Variants in ZNF385D observed in about 807,000 individuals in gnomAD.
ZNF385D encodes the protein zinc finger protein 385D.
Under a neutral mutation model 35.8 loss-of-function variants are expected in ZNF385D, and 15 were observed. That is an observed-to-expected ratio of 0.42 (90% CI 0.28 to 0.64). The LOEUF (loss-of-function observed/expected upper bound fraction) is 0.64. ZNF385D is among the 30% of genes least tolerant of loss of function. ZNF385D has a pLI of 0.23. For missense variants in ZNF385D, 474 were observed against 494.6 expected (o/e 0.96, Z 0.39); for synonymous variants, 212 against 186.8 (o/e 1.13, Z -1.10).
chr3:21,422,683 A>G (rs1700799126), intron 7 of ZNF385D, among the ~76,000 whole-genome samples: 1 of 152,258 alleles, frequency 6.6e-6, no homozygotes, highest in South Asian at 2.1e-4. Flanking sequence ...GGTTGGTTCA[A>G]CATATGCAAA....
chr3:22,366,543 C>T (rs1443387767), intron 2 of ZNF385D, among the ~76,000 whole-genome samples: 4 of 152,028 alleles, frequency 2.6e-5, no homozygotes, highest in African/African-American at 9.7e-5. Flanking sequence ...CTGGTCCTTC[C>T]TGCATTTTTT....
At chr3:21,443,868 A>T (rs953272323) in intron 4 of ZNF385D, among the ~76,000 whole-genome samples, 10 of 152,192 alleles carry the variant, frequency 6.6e-5, no homozygotes, top group African/African-American at 2.2e-4. Context: ...AAAATATTGA[A>T]CTGAAACTTT....
At chr3:21,865,565 C>A (rs1697302088) in intron 3 of ZNF385D, among the ~76,000 whole-genome samples, 1 of 152,024 alleles carries the variant, frequency 6.6e-6, no homozygotes, top group Admixed American at 6.6e-5. Context: ...TTGAATATTA[C>A]AAAATAAATT....
At chr3:22,081,786 T>C (rs1281238920) in intron 3 of ZNF385D, among the ~76,000 whole-genome samples, 2 of 152,104 alleles carry the variant, frequency 1.3e-5, no homozygotes, top group East Asian at 3.9e-4. Flanking sequence ...TCTCTGGTCA[T>C]TTTTTTAAAA....
chr3:22,115,613 A>C (rs900261443), intron 3 of ZNF385D, among the ~76,000 whole-genome samples: 2 of 152,080 alleles, frequency 1.3e-5, no homozygotes, highest in African/African-American at 4.8e-5. Context: ...CATCAGAGAA[A>C]GTTAAAGACA....
In ZNF385D at chr3:21,424,986, T is replaced by A. The variant is rs76533400; in HGVS notation, c.852+506A>T. Among the ~76,000 whole-genome samples, 1,464 of 152,294 alleles carry A rather than the reference T, an allele frequency of 9.6e-3. 36 individuals carry two copies. The highest frequency in any genetic ancestry group is 0.048 in the East Asian group (250 of 5,172). ...TATTCATAGTAAAAATGAACACAAC[T>A]TGATTAGTCATTCCTATTGCAGGTG... is the stretch of plus-strand genomic sequence containing the variant. On this transcript the variant is annotated intron_variant, in intron 6 of 7. Coordinates refer to ENST00000281523, the MANE Select transcript of ZNF385D (RefSeq NM_024697.3).
At chr3:21,975,732 TATATATATATATATATATATATAC>T (rs1447862641) in intron 3 of ZNF385D, among the ~76,000 whole-genome samples, 18 of 20,532 alleles carry the variant, frequency 8.8e-4, no homozygotes, top group Non-Finnish European at 1.6e-3. Context: ...TATATATATA[TATATATATATATATATATATATAC>T]ACACACTATG....
At chr3:21,808,349 T>G (rs980366897) in intron 3 of ZNF385D, among the ~76,000 whole-genome samples, 1 of 152,192 alleles carries the variant, frequency 6.6e-6, no homozygotes. Flanking sequence ...TTACCTTCCC[T>G]CCTCCAGGAA....
chr3:22,166,009 T>A (rs1706294425), intron 3 of ZNF385D, among the ~76,000 whole-genome samples: 1 of 143,622 alleles, frequency 7.0e-6, no homozygotes, highest in Admixed American at 6.9e-5. Context: ...ATTGACACTT[T>A]TGGCTCCAGG....
At chr3:21,685,045 C>T (rs2067060403) in intron 1 of ZNF385D, among the ~76,000 whole-genome samples, 1 of 152,102 alleles carries the variant, frequency 6.6e-6, no homozygotes, top group Non-Finnish European at 1.5e-5. Context: ...TGGGTATTGG[C>T]AAAAGCATTT....
chr3:21,976,771 T>A (rs1200766655), intron 3 of ZNF385D, among the ~76,000 whole-genome samples: 2 of 152,166 alleles, frequency 1.3e-5, no homozygotes, highest in Non-Finnish European at 2.9e-5. Context: ...GGCATGCAGA[T>A]CATGAGGTCA....
Position 21,489,229 on chromosome 3 carries a change from G to C in ZNF385D, c.439+21632C>G, listed in dbSNP as rs571275219. On this transcript the variant is annotated intron_variant, in intron 4 of 7. Coordinates refer to ENST00000281523, the MANE Select transcript of ZNF385D (RefSeq NM_024697.3). The stretch of plus-strand genomic sequence containing the variant: ...ACGTAGCAAAGTTAGAGTCTACACG[G>C]TCCAGGAAGCCCCAAAGAAAGACTG... Among the ~76,000 whole-genome samples the C allele has an allele frequency of 2.0e-5, 3 of 152,070 alleles. No individual in the cohort carries two copies. The South Asian group carries it at 6.2e-4, about 32-fold the overall frequency.
At chr3:22,180,466 G>T (rs59661522) in intron 2 of ZNF385D, among the ~76,000 whole-genome samples, 1 of 152,096 alleles carries the variant, frequency 6.6e-6, no homozygotes, top group Non-Finnish European at 1.5e-5. Context: ...ACCAAAGCCT[G>T]GCAGAGACAC....
intron 2 of ZNF385D, among the ~76,000 whole-genome samples, chr3:22,305,561 G>A (rs545084213): frequency 1.3e-5 from 2 of 152,002 alleles, no homozygotes; most frequent in African/African-American, 4.8e-5. Context: ...CTACCTCCTG[G>A]AGCATCATCA....
intron 1 of ZNF385D, among the ~76,000 whole-genome samples, chr3:21,737,872 T>C (rs1478174140): frequency 6.6e-6 from 1 of 152,210 alleles, no homozygotes; most frequent in Non-Finnish European, 1.5e-5. Flanking sequence ...GGTTCTTCTA[T>C]CAGGCACAAA....
chr3:22,147,412 A>G (rs62248894), intron 3 of ZNF385D, among the ~76,000 whole-genome samples: 1 of 152,058 alleles, frequency 6.6e-6, no homozygotes, highest in East Asian at 1.9e-4. Context: ...CAGTTCCACG[A>G]ATGCTATCCT....
intron 3 of ZNF385D, among the ~76,000 whole-genome samples, chr3:22,029,989 G>T (rs1697832373): frequency 6.6e-6 from 1 of 151,756 alleles, no homozygotes; most frequent in East Asian, 2.0e-4. Flanking sequence ...AGTGGGCTGG[G>T]GAAGGCAGAC....
intron 1 of ZNF385D, among the ~76,000 whole-genome samples, chr3:21,731,797 A>G (rs537349322): frequency 6.6e-6 from 1 of 152,290 alleles, no homozygotes; most frequent in Admixed American, 6.5e-5. Context: ...TAGTTGGAAT[A>G]GTACAGTATG....
At chr3:22,311,804 GA>G (rs1191815986) in intron 2 of ZNF385D, among the ~76,000 whole-genome samples, 1 of 151,988 alleles carries the variant, frequency 6.6e-6, no homozygotes, top group African/African-American at 2.4e-5. Context: ...ACAATAAATT[GA>G]GCCAATTTTT....
Sources: gnomAD v4.1 joint callset for allele counts (sites outside exome capture counted in the v4.1 genomes callset) on GRCh38, gnomAD v4.1.1 for gene constraint, MANE v1.5 for transcripts, NCBI Gene and HGNC (gene_info 2026-07-23, HGNC 2026-07-21) for gene names.